ARL8B: variants seen among roughly 807,000 people sequenced by gnomAD.
ARL8B encodes the protein ADP-ribosylation factor-like protein 8B.
Under a neutral mutation model 30.6 loss-of-function variants are expected in ARL8B, and 9 were observed. That is an observed-to-expected ratio of 0.29 (90% confidence interval 0.18 to 0.51). ARL8B has a LOEUF of 0.51. Among genes scored for constraint, ARL8B ranks in the 20% least tolerant of loss-of-function variants. The pLI is 0.97. For synonymous variants in ARL8B, 74 were observed against 76.0 expected (o/e 0.97, Z 0.14); for missense variants, 130 against 227.2 (o/e 0.57, Z 2.75).
At chr3:5,131,140 T>C (rs1299442491) in intron 1 of ARL8B, among the ~76,000 whole-genome samples, 1 of 152,124 alleles carries the variant, frequency 6.6e-6, no homozygotes, top group African/African-American at 2.4e-5. Flanking sequence ...GTCAAACTCC[T>C]GTGATCTGTC....
intron 1 of ARL8B, among the ~76,000 whole-genome samples, chr3:5,163,722 TAG>T (rs1329540983): frequency 6.6e-6 from 1 of 151,936 alleles, no homozygotes; most frequent in Admixed American, 6.6e-5. Flanking sequence ...ATACAAAAAT[TAG>T]CTCTGCATGG....
intron 1 of ARL8B, among the ~76,000 whole-genome samples, chr3:5,138,266 G>T (rs549972168): frequency 6.7e-6 from 1 of 149,526 alleles, no homozygotes; most frequent in African/African-American, 2.5e-5. Flanking sequence ...CATGGAGTTT[G>T]TATTTTGTTG....
At chr3:5,152,755 G>C (rs2054495746) in intron 1 of ARL8B, among the ~76,000 whole-genome samples, 1 of 152,118 alleles carries the variant, frequency 6.6e-6, no homozygotes. Flanking sequence ...GAAAGTGCTG[G>C]AATTACAGGC....
At chr3:5,143,614 T>C (rs1188913052) in intron 1 of ARL8B, among the ~76,000 whole-genome samples, 1 of 152,186 alleles carries the variant, frequency 6.6e-6, no homozygotes, top group Non-Finnish European at 1.5e-5. Context: ...TGTTCAGCCG[T>C]TTGCACGGCC....
intron 1 of ARL8B, among the ~76,000 whole-genome samples, chr3:5,143,151 T>G (rs1310249262): frequency 6.6e-6 from 1 of 152,178 alleles, no homozygotes; most frequent in Non-Finnish European, 1.5e-5. Context: ...TCGAATCTTA[T>G]AGTCTGGGGT....
intron 1 of ARL8B, among the ~76,000 whole-genome samples, chr3:5,163,708 A>T (rs918067757): frequency 1.3e-5 from 2 of 152,176 alleles, no homozygotes; most frequent in Admixed American, 1.3e-4. Context: ...CGTCTCTACT[A>T]AAAATACAAA....
intron 1 of ARL8B, chr3:5,128,317 G>A (rs115705974): frequency 0.025 from 7,266 of 292,750 alleles, 139 homozygotes; most frequent in Non-Finnish European, 0.035. Flanking sequence ...AACTTGACTG[G>A]AGAAGCTAGT....
At chr3:5,174,315 C>G (rs774890791) in intron 5 of ARL8B, 29 bp from the exon 6 acceptor site, 1 of 1,485,304 alleles carries the variant, frequency 6.7e-7, no homozygotes, top group Non-Finnish European at 9.4e-7. Context: ...GTTCTAAGCA[C>G]AGACTTATCC....
At chr3:5,159,602 CAAAAAAAAAAA>C (rs71053495) in intron 1 of ARL8B, among the ~76,000 whole-genome samples, 5 of 77,062 alleles carry the variant, frequency 6.5e-5, no homozygotes, top group African/African-American at 1.9e-4. Context: ...AACTCCGTCT[CAAAAAAAAAAA>C]AAAAAAAAAA....
intron 1 of ARL8B, among the ~76,000 whole-genome samples, chr3:5,149,537 G>C (rs2054460867): frequency 6.6e-6 from 1 of 152,204 alleles, no homozygotes; most frequent in Non-Finnish European, 1.5e-5. Context: ...CCCTCCCCCA[G>C]TTCTTCATTG....
rs544736921 is a variant in ARL8B at position 5,154,029 on chromosome 3, T to C, written c.124-16474T>C. Among the ~76,000 whole-genome samples the C allele has an allele frequency of 7.2e-5, 11 of 152,278 alleles. 1 individual carries two copies. The East Asian group carries it at 2.1e-3, about 29-fold the overall frequency. ...TGTTATTCTCTAATGTCATGCATCA[T>C]TTCTCTTTGGCTGCTTTTAAGATAT... On this transcript the variant is annotated intron_variant, in intron 1 of 6. Transcript: ENST00000256496.
chr3:5,145,094 A>G (rs916302295), intron 1 of ARL8B, among the ~76,000 whole-genome samples: 1 of 151,918 alleles, frequency 6.6e-6, no homozygotes, highest in Non-Finnish European at 1.5e-5. Flanking sequence ...TCTCTTTGCC[A>G]TCTATCCACT....
At chr3:5,161,560 A>G (rs1184824219) in intron 1 of ARL8B, among the ~76,000 whole-genome samples, 1 of 152,200 alleles carries the variant, frequency 6.6e-6, no homozygotes, top group East Asian at 1.9e-4. Flanking sequence ...CCAGCAGTAA[A>G]CACTTGAGGT....
intron 1 of ARL8B, among the ~76,000 whole-genome samples, chr3:5,146,759 A>G (rs1271960507): frequency 6.6e-6 from 1 of 152,198 alleles, no homozygotes; most frequent in Admixed American, 6.5e-5. Context: ...TTCTGGTCCC[A>G]ATCTAATTAA....
intron 1 of ARL8B, among the ~76,000 whole-genome samples, chr3:5,131,389 A>T (rs1227809788): frequency 8.3e-6 from 1 of 120,598 alleles, no homozygotes; most frequent in Non-Finnish European, 1.7e-5. Flanking sequence ...TAAAAAAATT[A>T]AAAAATTTTT....
At chr3:5,148,053 C>T (rs897280672) in intron 1 of ARL8B, among the ~76,000 whole-genome samples, 1 of 151,466 alleles carries the variant, frequency 6.6e-6, no homozygotes, top group South Asian at 2.1e-4. Context: ...GACTTCTTGC[C>T]CAGGAGGGTG....
Position 5,178,753 on chromosome 3 carries a change from C to A in ARL8B, c.*40C>A. On this transcript the variant is annotated 3_prime_UTR_variant, in exon 7 of 7. Coordinates refer to ENST00000256496, the MANE Select transcript of ARL8B (RefSeq NM_018184.3). ...TCTTCCAGTCCTTCTTGGCTATAAT[C>A]CTAGAATTATTGTCCGTTCCTCTGA... 2 of 1,610,474 alleles carry A rather than the reference C, an allele frequency of 1.2e-6. No homozygotes were observed. The highest frequency in any genetic ancestry group is 8.5e-7 in the Non-Finnish European group (1 of 1,179,496).
At chr3:5,174,447 G>C in intron 6 of ARL8B, 33 bp downstream of exon 6, 1 of 1,359,724 alleles carries the variant, frequency 7.4e-7, no homozygotes. Flanking sequence ...GGAAGAAATG[G>C]GTATCATTGG....
chr3:5,163,806 G>GT (rs781053423), intron 1 of ARL8B, among the ~76,000 whole-genome samples: 11 of 152,158 alleles, frequency 7.2e-5, no homozygotes, highest in Non-Finnish European at 1.3e-4. Context: ...GGAGGCAGAG[G>GT]TTGCAGTGAG....
Sources: gnomAD v4.1 joint callset for allele counts (sites outside exome capture counted in the v4.1 genomes callset) on GRCh38, gnomAD v4.1.1 for gene constraint, MANE v1.5 for transcripts, NCBI Gene and HGNC (gene_info 2026-07-23, HGNC 2026-07-21) for gene names.